Variants in RAB27B observed in about 807,000 individuals in gnomAD.
RAB27B encodes the protein ras-related protein Rab-27B.
In RAB27B, 15 loss-of-function variants were observed where a neutral mutation model predicts 24.6. The observed-to-expected ratio is 0.61, with a 90% confidence interval of 0.41 to 0.94. The LOEUF is 0.94. Ranked by LOEUF, RAB27B falls within the 40% of genes least tolerant of loss-of-function variation. The pLI is 0.00. For missense variants in RAB27B, 261 were observed against 266.8 expected, an observed-to-expected ratio of 0.98 and a Z score of 0.15; for synonymous variants, 105 against 92.5, an observed-to-expected ratio of 1.14 and a Z score of -0.78.
chr18:54,838,331 T>A (rs1310973449), intron 1 of RAB27B, among the ~76,000 whole-genome samples: 7 of 152,136 alleles, frequency 4.6e-5, no homozygotes, highest in African/African-American at 1.7e-4. Flanking sequence ...TAGGGAAAGT[T>A]ACCTTGTCTC....
intron 1 of RAB27B, among the ~76,000 whole-genome samples, chr18:54,867,594 G>A (rs1404062593): frequency 2.0e-5 from 3 of 151,748 alleles, no homozygotes; most frequent in South Asian, 2.1e-4. Context: ...TTACAGGCGC[G>A]TGCCACCAGA....
intron 2 of RAB27B, among the ~76,000 whole-genome samples, chr18:54,719,023 G>A (rs1254955256): frequency 6.9e-6 from 1 of 145,304 alleles, no homozygotes; most frequent in Non-Finnish European, 1.5e-5. Context: ...AGTTCTGCTA[G>A]TGGACAATTC....
chr18:54,801,619 C>T (rs1909614808), intron 2 of RAB27B, among the ~76,000 whole-genome samples: 1 of 152,100 alleles, frequency 6.6e-6, no homozygotes, highest in East Asian at 1.9e-4. Context: ...TTTGTTGGGG[C>T]TTGGGAAGTT....
rs28416081 is a variant in RAB27B, at chr18:54,738,688, G to A, written c.-20+20547G>A. On this transcript the variant is annotated intron_variant, in intron 2 of 4. Coordinates refer to the RAB27B transcript ENST00000586570. ...CATTGCAATCAGATTTTTCCATAAC[G>A]TACCTCTACCTTAAATCCCTTTTTA... Among the ~76,000 whole-genome samples the A allele has an allele frequency of 6.2e-3, 939 of 152,170 alleles. 11 individuals carry two copies. The highest frequency in any genetic ancestry group is 0.021 in the African/African-American group (892 of 41,504).
intron 2 of RAB27B, among the ~76,000 whole-genome samples, chr18:54,720,262 C>T (rs1909316933): frequency 6.6e-6 from 1 of 152,048 alleles, no homozygotes; most frequent in Non-Finnish European, 1.5e-5. Flanking sequence ...GAGGTTATCC[C>T]AAGGCCTTGA....
intron 2 of RAB27B, among the ~76,000 whole-genome samples, chr18:54,765,991 C>A (rs73960608): frequency 0.044 from 6,658 of 152,226 alleles, 211 homozygotes; most frequent in Admixed American, 0.082. Context: ...ACATTAATTT[C>A]TTCTAGAAGA....
intron 2 of RAB27B, among the ~76,000 whole-genome samples, chr18:54,757,340 T>C (rs1257876033): frequency 2.0e-5 from 3 of 152,174 alleles, no homozygotes; most frequent in Non-Finnish European, 4.4e-5. Flanking sequence ...AAGCTATTGC[T>C]CTAACATCAG....
intron 2 of RAB27B, among the ~76,000 whole-genome samples, chr18:54,816,995 C>T (rs1052689923): frequency 1.3e-5 from 2 of 151,996 alleles, no homozygotes; most frequent in East Asian, 1.9e-4. Context: ...ACATTTATTT[C>T]GAGAGTCTGA....
At chr18:54,872,203 A>G (rs1158328683) in intron 1 of RAB27B, among the ~76,000 whole-genome samples, 1 of 152,212 alleles carries the variant, frequency 6.6e-6, no homozygotes, top group Non-Finnish European at 1.5e-5. Flanking sequence ...GTTCTCTGCT[A>G]GCACAAATTT....
At chr18:54,806,724 A>G (rs758918857) in intron 2 of RAB27B, among the ~76,000 whole-genome samples, 35 of 151,722 alleles carry the variant, frequency 2.3e-4, no homozygotes, top group Non-Finnish European at 4.4e-4. Context: ...GATGGAAAAC[A>G]TGAGTCATTA....
chr18:54,735,665 A>G (rs1909868269), intron 2 of RAB27B, among the ~76,000 whole-genome samples: 1 of 152,114 alleles, frequency 6.6e-6, no homozygotes, highest in Non-Finnish European at 1.5e-5. Context: ...GGCACCTGCC[A>G]CCATACCCAG....
At chr18:54,819,852 T>C (rs1002527024) in intron 2 of RAB27B, among the ~76,000 whole-genome samples, 7 of 147,724 alleles carry the variant, frequency 4.7e-5, no homozygotes, top group Admixed American at 1.4e-4. Context: ...TTCCCACCTA[T>C]GAGTGAGAAC....
chr18:54,727,909 A>G (rs1909591736), intron 2 of RAB27B, among the ~76,000 whole-genome samples: 1 of 152,144 alleles, frequency 6.6e-6, no homozygotes, highest in Non-Finnish European at 1.5e-5. Context: ...AAATCACCTT[A>G]ACAGCTAGCC....
At chr18:54,786,918 C>G (rs1259280122) in intron 2 of RAB27B, among the ~76,000 whole-genome samples, 3 of 152,224 alleles carry the variant, frequency 2.0e-5, no homozygotes, top group African/African-American at 7.2e-5. Context: ...AAGCACATCA[C>G]TCTGCATGAG....
At chr18:54,867,442 C>CTTTTTTTT (rs548288719) in intron 1 of RAB27B, among the ~76,000 whole-genome samples, 11 of 98,752 alleles carry the variant, frequency 1.1e-4, no homozygotes, top group Admixed American at 2.6e-4. Context: ...CTTTTCTTTT[C>CTTTTTTTT]TTTTTTTTTT....
intron 2 of RAB27B, among the ~76,000 whole-genome samples, chr18:54,802,486 T>A (rs566215817): frequency 1.3e-5 from 2 of 152,322 alleles, no homozygotes; most frequent in South Asian, 4.1e-4. Flanking sequence ...CCAAGATTGC[T>A]CCTTTCTGTT....
At chr18:54,845,964 G>T (rs1911319915) in intron 1 of RAB27B, among the ~76,000 whole-genome samples, 2 of 152,174 alleles carry the variant, frequency 1.3e-5, no homozygotes, top group Admixed American at 6.5e-5. Context: ...CATATTCTCA[G>T]CTGAGGTCAA....
At chr18:54,754,735 A>T (rs1907949373) in intron 2 of RAB27B, among the ~76,000 whole-genome samples, 1 of 152,242 alleles carries the variant, frequency 6.6e-6, no homozygotes, top group East Asian at 1.9e-4. Flanking sequence ...ATGTGTAAAT[A>T]CATCAAAGCA....
chr18:54,862,017 T>C (rs1912028890), intron 1 of RAB27B, among the ~76,000 whole-genome samples: 1 of 151,302 alleles, frequency 6.6e-6, no homozygotes, highest in Non-Finnish European at 1.5e-5. Context: ...TCTTGTTCCC[T>C]AGCTGGAGTC....
Sources: gnomAD v4.1 joint callset for allele counts (sites outside exome capture counted in the v4.1 genomes callset) on GRCh38, gnomAD v4.1.1 for gene constraint, MANE v1.5 for transcripts, NCBI Gene and HGNC (gene_info 2026-07-23, HGNC 2026-07-21) for gene names.